The following PRKN variants were observed in gnomAD, a reference collection of about 807,000 sequenced individuals.
The protein encoded by PRKN is parkin RBR E3 ubiquitin protein ligase.
In PRKN, 56 loss-of-function variants were observed where a neutral mutation model predicts 59.5. That is an observed-to-expected ratio of 0.94 (90% CI 0.76 to 1.18). The LOEUF (loss-of-function observed/expected upper bound fraction) is 1.18. Ranked by LOEUF, PRKN falls within the 50% of genes most tolerant of loss-of-function variation. The pLI, the probability that PRKN is intolerant of heterozygous loss-of-function variation, is 0.00. For missense variants in PRKN, 657 were observed against 596.4 expected, an observed-to-expected ratio of 1.10 and a Z score of -1.06; for synonymous variants, 250 against 222.1, an observed-to-expected ratio of 1.13 and a Z score of -1.12.
intron 2 of PRKN, among the ~76,000 whole-genome samples, chr6:162,354,382 AC>A (rs1372771205): frequency 1.3e-5 from 2 of 152,154 alleles, no homozygotes; most frequent in African/African-American, 2.4e-5. Context: ...TCTCTTGATT[AC>A]CAATATTAAA....
At position 161,552,793 on chromosome 6, in the gene PRKN, G is replaced by GTTGTT. The variant is rs1780085061; in HGVS notation, c.934-3791_934-3790insAACAA. 7.0e-6 allele frequency among the ~76,000 whole-genome samples: 1 copy of GTTGTT among 143,114 alleles called. No homozygotes were observed. Among genetic ancestry groups the GTTGTT allele is most frequent in the African/African-American group, 2.6e-5 (1 of 39,124 alleles). 93.9% of individuals were successfully genotyped at this position (143,114 alleles called of 152,430 possible). On this transcript the variant is annotated intron_variant, in intron 8 of 11. Transcript: ENST00000366898. This position sits in a 1 kb window ranked among gnomAD's most constrained non-coding sequence, Gnocchi z 4.9. ...ACACCATGGTTTTGTTGTTGTTTTT[G>GTTGTT]TTTTTTGTTTTTTTTTTTTAGACGG...
intron 6 of PRKN, among the ~76,000 whole-genome samples, chr6:161,838,358 A>G (rs1180281455): frequency 1.3e-5 from 2 of 152,224 alleles, no homozygotes; most frequent in Non-Finnish European, 2.9e-5. Context: ...ATCAGGAGGC[A>G]GTGTGCCTTA....
At chr6:162,420,845 A>G (rs1490152757) in intron 2 of PRKN, among the ~76,000 whole-genome samples, 2 of 152,180 alleles carry the variant, frequency 1.3e-5, no homozygotes, top group African/African-American at 4.8e-5. Flanking sequence ...AAAAGTCAGC[A>G]GCGGTTGGAA....
intron 2 of PRKN, among the ~76,000 whole-genome samples, chr6:162,352,110 T>G (rs1471435411): frequency 6.6e-6 from 1 of 151,936 alleles, no homozygotes; most frequent in Non-Finnish European, 1.5e-5. Context: ...GACAGCGGGG[T>G]TCAAAAGGAT....
intron 1 of PRKN, among the ~76,000 whole-genome samples, chr6:162,475,245 A>G (rs920077338): frequency 6.6e-6 from 1 of 152,240 alleles, no homozygotes; most frequent in South Asian, 2.1e-4. Flanking sequence ...ATCTTGGTCA[A>G]CAAGGCTAAG....
At chr6:161,665,483 CTACAAATCAGATCTGAAATTTCTT>C (rs1354857344) in intron 7 of PRKN, among the ~76,000 whole-genome samples, 2 of 152,186 alleles carry the variant, frequency 1.3e-5, no homozygotes, top group Non-Finnish European at 2.9e-5. Context: ...TCTTCTACCC[CTACAAATCAGATCTGAAATTTCTT>C]TATGATTTCT....
chr6:162,227,128 T>C (rs887293888), intron 3 of PRKN, among the ~76,000 whole-genome samples: 1 of 152,206 alleles, frequency 6.6e-6, no homozygotes, highest in Non-Finnish European at 1.5e-5. Flanking sequence ...AGTATACGTA[T>C]GGGACTTGCA....
chr6:162,183,160 C>T (rs527663512), intron 4 of PRKN, among the ~76,000 whole-genome samples: 1 of 152,134 alleles, frequency 6.6e-6, no homozygotes, highest in African/African-American at 2.4e-5. Flanking sequence ...ATTTAAATGT[C>T]GGGAGGCCCA....
rs1308334517 is a variant in PRKN, at chr6:161,357,920, CA to C, written c.1285+2167del. Among the ~76,000 whole-genome samples the C allele has an allele frequency of 7.2e-5, 11 of 152,352 alleles. No individual in the cohort carries two copies. Among genetic ancestry groups the C allele is most frequent in the African/African-American group, 2.6e-4 (11 of 41,576 alleles). On this transcript the variant is annotated intron_variant, in intron 11 of 11. Transcript: ENST00000366898. This position sits in a 1 kb window ranked among gnomAD's most constrained non-coding sequence, Gnocchi z 5.5. ...CATTGAAACCCATCTTATGAACGAG[CA>C]AACTGGTGCTCACACAGCCACAGTC...
intron 5 of PRKN, among the ~76,000 whole-genome samples, chr6:162,040,575 T>G (rs1027854695): frequency 6.9e-6 from 1 of 144,196 alleles, no homozygotes; most frequent in African/African-American, 2.6e-5. Flanking sequence ...CCCGGCTATT[T>G]TTTTTTTTTT....
At chr6:161,587,805 T>C (rs1423068521) in intron 7 of PRKN, among the ~76,000 whole-genome samples, 1 of 152,190 alleles carries the variant, frequency 6.6e-6, no homozygotes, top group Non-Finnish European at 1.5e-5. Context: ...CTTGTTTTTT[T>C]AAAGGTGTTT....
Position 161,362,521 on chromosome 6 carries a change from G to A in PRKN, c.1168-2316C>T, listed in dbSNP as rs1040975974. ...GTGGAGGAAGCCAGGGCAAAAGCCC[G>A]CCCTGAAGAGATAATTGACAGATAT... On this transcript the variant is annotated intron_variant, in intron 10 of 11. Transcript: ENST00000366898. This position sits in a 1 kb window ranked among gnomAD's most constrained non-coding sequence, Gnocchi z 5.2. Among the ~76,000 whole-genome samples the A allele has an allele frequency of 3.9e-5, 6 of 152,182 alleles. No homozygotes were observed. The highest frequency in any genetic ancestry group is 7.2e-5 in the African/African-American group (3 of 41,442).
At chr6:162,143,246 T>C (rs112514405) in intron 4 of PRKN, among the ~76,000 whole-genome samples, 2,404 of 152,322 alleles carry the variant, frequency 0.016, 60 homozygotes, top group African/African-American at 0.055. Flanking sequence ...AATTTCTGGC[T>C]AATGAAATGT....
intron 7 of PRKN, among the ~76,000 whole-genome samples, chr6:161,653,980 T>C (rs946350100): frequency 2.0e-5 from 3 of 149,652 alleles, no homozygotes; most frequent in Non-Finnish European, 4.4e-5. Context: ...TCTCTAATGT[T>C]ATTTAGATAA....
rs1427066178 is a variant in PRKN, at chr6:161,442,495, A to G, written c.1084-55618T>C. 6.6e-6 allele frequency among the ~76,000 whole-genome samples: 1 copy of G among 152,210 alleles called. No homozygotes were observed. The highest frequency in any genetic ancestry group is 2.4e-5 in the African/African-American group (1 of 41,454). On this transcript the variant is annotated intron_variant, in intron 9 of 11. Transcript: ENST00000366898. This position sits in a 1 kb window ranked among gnomAD's most constrained non-coding sequence, Gnocchi z 4.6. ...TAAAATCTCGGGCTTCATCTTTTGG[A>G]TAATTCACATGACCTTCTCCTTAGT...
At position 162,021,162 on chromosome 6, in the gene PRKN, AT is replaced by A. The variant is rs1222655514; in HGVS notation, c.618+32928del. Among the ~76,000 whole-genome samples the A allele has an allele frequency of 6.7e-4, 19 of 28,172 alleles. No homozygotes were observed. In the East Asian group the frequency reaches 0.019, roughly 28 times the overall value. 18.5% of individuals were successfully genotyped at this position (28,172 alleles called of 152,430 possible). A position where few individuals can be genotyped will look rare whatever the true frequency, so the allele number is the denominator to read the frequency against. ...TATATATATATATATATATATATATATATAAAATATATGTGTATATATATTA... is the reference window on the plus strand; with the variant it reads ...TATATATATATATATATATATATATAATAAAATATATGTGTATATATATTA... On this transcript the variant is annotated intron_variant, in intron 5 of 11. Coordinates refer to ENST00000366898, the MANE Select transcript of PRKN (RefSeq NM_004562.3).
chr6:161,516,370 G>A (rs764931944), intron 9 of PRKN, among the ~76,000 whole-genome samples: 1 of 149,446 alleles, frequency 6.7e-6, no homozygotes, highest in Non-Finnish European at 1.5e-5. Context: ...GGGAGGCTAA[G>A]GTAGGAGAAT....
chr6:162,126,448 C>T (rs1463778470), intron 4 of PRKN, among the ~76,000 whole-genome samples: 5 of 152,332 alleles, frequency 3.3e-5, no homozygotes, highest in Admixed American at 6.5e-5. Flanking sequence ...CCCTTCTTCA[C>T]TTAGTTTATC....
intron 8 of PRKN, among the ~76,000 whole-genome samples, chr6:161,559,894 C>G (rs1252017228): frequency 1.3e-5 from 2 of 152,160 alleles, no homozygotes; most frequent in East Asian, 3.9e-4. Flanking sequence ...AATGGACAAG[C>G]CTCTAACACT....
Sources: allele counts gnomAD v4.1 joint callset (sites outside exome capture counted in the v4.1 genomes callset), GRCh38; gene constraint gnomAD v4.1.1; non-coding constraint Gnocchi (gnomAD v3.1); transcripts MANE v1.5; gene names NCBI Gene and HGNC (gene_info 2026-07-23, HGNC 2026-07-21).